PSMD8: variants seen among roughly 807,000 people sequenced by gnomAD.
PSMD8 encodes the protein proteasome 26S subunit, non-ATPase 8, also known as 26S proteasome non-ATPase regulatory subunit 8.
Under a neutral mutation model 40.0 loss-of-function variants are expected in PSMD8, and 30 were observed. The ratio of observed to expected loss-of-function variants is 0.75; its 90% confidence interval spans 0.56 to 1.02. The LOEUF is 1.02. PSMD8 is among the 50% of genes least tolerant of loss of function. The probability of loss-of-function intolerance (pLI) is 0.00; values close to 1 mark genes in which losing one functional copy is unlikely to be tolerated. For missense variants in PSMD8, 461 were observed against 463.9 expected, an observed-to-expected ratio of 0.99 and a Z score of 0.06; for synonymous variants, 208 against 192.5, an observed-to-expected ratio of 1.08 and a Z score of -0.67.
At chr19:38,379,053 C>G (rs1269444548) in intron 3 of PSMD8, among the ~76,000 whole-genome samples, 187 bp from the exon 4 acceptor site, 1 of 152,192 alleles carries the variant, frequency 6.6e-6, no homozygotes, top group Non-Finnish European at 1.5e-5. Flanking sequence ...TTGTATGACT[C>G]AATATGACTC....
chr19:38,383,141 A>T, intron 6 of PSMD8, 112 bp from the exon 7 acceptor site: 1 of 1,402,148 alleles, frequency 7.1e-7, no homozygotes, highest in Non-Finnish European at 9.8e-7. Flanking sequence ...TGGGCAGAGT[A>T]CGATTGGTGA....
At chr19:38,377,724 G>A (rs1037346637) in intron 3 of PSMD8, among the ~76,000 whole-genome samples, 3 of 151,768 alleles carry the variant, frequency 2.0e-5, no homozygotes, top group Non-Finnish European at 4.4e-5. Flanking sequence ...CCGCCTCCCA[G>A]GTTCAAGTGA....
intron 3 of PSMD8, 91 bp from the exon 4 acceptor site, chr19:38,379,149 G>A: frequency 1.5e-6 from 2 of 1,313,292 alleles, no homozygotes; most frequent in Admixed American, 4.5e-5. Context: ...GAAGATGCAT[G>A]GGGCGTTGTG....
In PSMD8 at chr19:38,374,771, T is replaced by C. The variant is rs765102678; in HGVS notation, c.170T>C (p.Leu57Pro). 20 of 1,567,344 alleles carry C rather than the reference T, an allele frequency of 1.3e-5. No individual in the cohort carries two copies. Among genetic ancestry groups the C allele is most frequent in the Non-Finnish European group, 1.7e-5 (20 of 1,161,474 alleles). ...CRRRCRKSGGLLAASRKMAAA... is the reference protein window; with the variant it reads ...CRRRCRKSGGPLAASRKMAAA... ...CGGCGCTGCCGTAAATCAGGCGGTC[T>C]GCTTGCCGCATCACGCAAGATGGCG... The change falls in exon 1 of 7, where the codon CTG becomes CCG. Residue 57 changes from leucine to proline, a missense_variant. By Grantham distance (98) the Leu-to-Pro change is moderately conservative. Coordinates refer to ENST00000215071, the MANE Select transcript of PSMD8 (RefSeq NM_002812.5).
At position 38,379,343 on chromosome 19, in the gene PSMD8, C is replaced by T. The variant is rs771715093; in HGVS notation, c.640C>T (p.Arg214Trp). ...GGCTGAGTTCCACACGGAGTTGGAG[C>T]GGCTGCCTGCCAAGGACATACAGAC... ...RVAEFHTELE[R>W]LPAKDIQTNV... Residue 214 changes from arginine to tryptophan, a missense_variant, in exon 4 of 7, where the codon CGG becomes TGG. Transcript: ENST00000215071. The T allele has an allele frequency of 1.5e-5, 24 of 1,613,894 alleles. No homozygotes were observed. The highest frequency in any genetic ancestry group is 2.2e-5 in the South Asian group (2 of 91,094).
chr19:38,376,332 G>A lies in PSMD8; in HGVS notation c.434-20G>A, dbSNP rs544266271. 21 of 1,543,722 alleles carry A rather than the reference G, an allele frequency of 1.4e-5. No individual in the cohort carries two copies. In the South Asian group the frequency reaches 1.8e-4, roughly 13 times the overall value. ...AAGAGACCTCAGTCACCTCCTGAGA[G>A]CTCACTCTGTCACCCACAGGTGACA... On this transcript the variant is annotated intron_variant, in intron 2 of 6. Coordinates refer to ENST00000215071, the MANE Select transcript of PSMD8 (RefSeq NM_002812.5).
intron 1 of PSMD8, among the ~76,000 whole-genome samples, chr19:38,375,897 G>T (rs373099506): frequency 6.6e-6 from 1 of 152,188 alleles, no homozygotes; most frequent in East Asian, 1.9e-4. Context: ...CCACCGCCGC[G>T]TGATTCCACT....
At position 38,374,641 on chromosome 19, in the gene PSMD8, G is replaced by T; in HGVS notation, c.40G>T (p.Glu14Ter). 6.6e-7 allele frequency: 1 copy of T among 1,514,766 alleles called. No homozygotes were observed. Among genetic ancestry groups the T allele is most frequent in the East Asian group, 2.4e-5 (1 of 41,070 alleles). The allele number at this position is 1,514,766 out of a possible 1,614,324, so 93.8% of individuals were successfully genotyped here. ...KGRAPRAPPRERRRATRGGLR... is the reference protein window; with the variant it reads ...KGRAPRAPPR ...CAGGGCTCCGAGGGCGCCACCTCGA[G>T]AGCGACGGCGGGCTACCCGGGGCGG... The change falls in exon 1 of 7, where the codon GAG (glutamate) becomes TAG (stop). Residue 14 changes from glutamate to a stop codon, truncating the protein, a stop_gained. Transcript: ENST00000215071. LOFTEE classifies it high-confidence loss of function.
At chr19:38,379,539 A>G in intron 4 of PSMD8, 134 bp downstream of exon 4, 1 of 972,172 alleles carries the variant, frequency 1.0e-6, no homozygotes, top group Non-Finnish European at 1.5e-6. Flanking sequence ...TGTTTGTCCA[A>G]CAAATACTGA....
rs749421288 is a variant in PSMD8, at chr19:38,379,241, G to T, written c.538G>T (p.Glu180Ter). The T allele has an allele frequency of 2.7e-5, 43 of 1,613,152 alleles. No individual in the cohort carries two copies. Among genetic ancestry groups the T allele is most frequent in the Non-Finnish European group, 3.4e-5 (40 of 1,179,814 alleles). Reference sequence around the variant, plus strand: ...TGCTTCCCCATCCCACGTCCACAGGGAGCAGCTCCCCGAGTCAGCCTATAT... The same window carrying T: ...TGCTTCCCCATCCCACGTCCACAGGTAGCAGCTCCCCGAGTCAGCCTATAT... The part of the protein sequence containing the change: ...QLKCYYFDYK[E>*]QLPESAYMHQ... The change falls in exon 4 of 7, where the codon GAG becomes TAG. Residue 180 changes from glutamate (E) to a stop codon, truncating the protein, a stop_gained and splice_region_variant. Coordinates refer to ENST00000215071, the MANE Select transcript of PSMD8 (RefSeq NM_002812.5). LOFTEE classifies it high-confidence loss of function.
Position 38,381,128 on chromosome 19 carries a change from C to T in PSMD8, c.803+129C>T, listed in dbSNP as rs976092781. Reference sequence around the variant, plus strand: ...CTAGGTGTGTTTCTTATCCTCCTAGCACCTCAGCTCTCCTTTTCAGTGAAT... The same window carrying T: ...CTAGGTGTGTTTCTTATCCTCCTAGTACCTCAGCTCTCCTTTTCAGTGAAT... On this transcript the variant is annotated intron_variant, in intron 5 of 6. Coordinates refer to ENST00000215071, the MANE Select transcript of PSMD8 (RefSeq NM_002812.5). The T allele has an allele frequency of 4.4e-6, 3 of 676,302 alleles. No homozygotes were observed. In the African/African-American group the frequency reaches 5.5e-5, roughly 12 times the overall value. The allele number at this position is 676,302 out of a possible 1,614,324, so 41.9% of individuals were successfully genotyped here. A position where few individuals can be genotyped will look rare whatever the true frequency, so the allele number is the denominator to read the frequency against.
intron 3 of PSMD8, among the ~76,000 whole-genome samples, chr19:38,377,470 G>A (rs1039240573): frequency 1.3e-5 from 2 of 151,538 alleles, no homozygotes; most frequent in African/African-American, 4.9e-5. Context: ...GGGATTACAG[G>A]TGTTGAGTCA....
Position 38,380,902 on chromosome 19 carries a change from C to T in PSMD8, c.706C>T (p.Leu236=), listed in dbSNP as rs1050057969. ...IKHPVSLEQY[L]MEGSYNKVFL... is the part of the protein sequence containing the mutation. ...TCCCCCTTCCCGGCTTCTGCAGTACCTGATGGAGGGCAGCTACAACAAAGT... is the reference window on the plus strand; with the variant it reads ...TCCCCCTTCCCGGCTTCTGCAGTACTTGATGGAGGGCAGCTACAACAAAGT... The change falls in exon 5 of 7, where the codon CTG becomes TTG. Residue 236 remains leucine (L), a synonymous_variant. Coordinates refer to ENST00000215071, the MANE Select transcript of PSMD8 (RefSeq NM_002812.5). 7 of 1,572,050 alleles carry T rather than the reference C, an allele frequency of 4.5e-6. No homozygotes were observed. The African/African-American group carries it at 9.5e-5, about 21-fold the overall frequency.
chr19:38,374,689 C>T lies in PSMD8; in HGVS notation c.88C>T (p.Pro30Ser). The change falls in exon 1 of 7, where the codon CCC becomes TCC. Residue 30 changes from proline to serine, a missense_variant. Around this residue, in one of 2 missense-constraint regions of PSMD8, gnomAD observed 225 missense variants for 142.7 expected, o/e 1.58. Coordinates refer to ENST00000215071, the MANE Select transcript of PSMD8 (RefSeq NM_002812.5). ...CGGGCTGAGGCAGGTTGTAGCCCCGCCCCGGGCCTTGGGCTCCACCTCTCG... is the reference window on the plus strand; with the variant it reads ...CGGGCTGAGGCAGGTTGTAGCCCCGTCCCGGGCCTTGGGCTCCACCTCTCG... Reference protein sequence around the residue: ...RGGLRQVVAPPRALGSTSRPH... With the variant: ...RGGLRQVVAPSRALGSTSRPH... 1 of 1,543,118 alleles carries T rather than the reference C, an allele frequency of 6.5e-7. No individual in the cohort carries two copies. The highest frequency in any genetic ancestry group is 8.7e-7 in the Non-Finnish European group (1 of 1,147,218).
intron 4 of PSMD8, 89 bp downstream of exon 4, chr19:38,379,494 G>A (rs1454339074): frequency 6.0e-5 from 86 of 1,421,532 alleles, no homozygotes; most frequent in Non-Finnish European, 3.4e-5. Context: ...AGTGGCCAGG[G>A]TTCACCCATC....
In PSMD8 at chr19:38,374,860, G is replaced by C. The variant is rs1245677790; in HGVS notation, c.259G>C (p.Val87Leu). ...CGGGCCCGCGGCAACCTCGGGCGCT[G>C]TTCTGCAGGCCGCGACCGGCATGTA... is the stretch of plus-strand genomic sequence containing the variant. The part of the protein sequence containing the change: ...SSGPAATSGA[V>L]LQAATGMYEQ... The change falls in exon 1 of 7, where the codon GTT (valine) becomes CTT (leucine). Residue 87 changes from valine (V) to leucine (L), a missense_variant. Around this residue, in one of 2 missense-constraint regions of PSMD8, gnomAD observed 225 missense variants for 142.7 expected, o/e 1.58. Transcript: ENST00000215071. 3.2e-6 allele frequency: 5 copies of C among 1,584,290 alleles called. No individual in the cohort carries two copies. Among genetic ancestry groups the C allele is most frequent in the Non-Finnish European group, 4.3e-6 (5 of 1,173,286 alleles).
Position 38,374,601 on chromosome 19 carries a change from C to T in PSMD8, c.-1C>T. ...ACGACAGAGGCGGAGCTCCAACTGA[C>T]ATGTTCATTAAGGGCAGGGCTCCGA... On this transcript the variant is annotated 5_prime_UTR_variant, in exon 1 of 7. Transcript: ENST00000215071. The T allele has an allele frequency of 1.4e-6, 2 of 1,470,160 alleles. No individual in the cohort carries two copies. Among genetic ancestry groups the T allele is most frequent in the Non-Finnish European group, 9.0e-7 (1 of 1,115,728 alleles). 91.1% of individuals were successfully genotyped at this position (1,470,160 alleles called of 1,614,324 possible).
chr19:38,375,540 C>T (rs947762452), intron 1 of PSMD8: 1 of 171,868 alleles, frequency 5.8e-6, no homozygotes, highest in African/African-American at 2.4e-5. Context: ...GTGGTTAAGA[C>T]CAGGCTGGGT....
At chr19:38,374,982 A>G in intron 1 of PSMD8, 21 bp downstream of exon 1, 2 of 1,543,578 alleles carry the variant, frequency 1.3e-6, no homozygotes, top group Non-Finnish European at 1.7e-6. Context: ...CAGGCCCAGG[A>G]AACCGAGTGT....
Sources: gnomAD v4.1 joint callset for allele counts (sites outside exome capture counted in the v4.1 genomes callset) on GRCh38, gnomAD v4.1.1 for gene constraint, gnomAD v4.1.1 regional missense constraint, MANE v1.5 for transcripts, NCBI Gene and HGNC (gene_info 2026-07-23, HGNC 2026-07-21) for gene names.